Variants in OR8B2 observed in about 807,000 individuals in gnomAD.
The protein encoded by OR8B2 is olfactory receptor 8B2.
For synonymous variants in OR8B2, 98 were observed against 138.2 expected, an observed-to-expected ratio of 0.71 and a Z score of 2.04; for missense variants, 304 against 379.6, an observed-to-expected ratio of 0.80 and a Z score of 1.65.
chr11:124,386,437 G>A (rs1269352829), upstream of OR8B2, among the ~76,000 whole-genome samples: 1 of 121,236 alleles, frequency 8.2e-6, no homozygotes, highest in Non-Finnish European at 1.6e-5. Flanking sequence ...TCCCCAGAGC[G>A]TGATGTTCCC....
the OR8B2 span, chr11:124,395,510 T>G: frequency 3.9e-5 from 6 of 152,338 alleles, no homozygotes; most frequent in East Asian, 1.2e-3. Context: ...TATACATTTT[T>G]TCATGACAAA....
chr11:124,396,835 T>C, the OR8B2 span: 1 of 1,610,932 alleles, frequency 6.2e-7, no homozygotes, highest in Non-Finnish European at 8.5e-7. Flanking sequence ...TGGTTGATGA[T>C]ATTAGCACTG....
At chr11:124,384,698 CAA>C (rs1254307218), upstream of OR8B2, among the ~76,000 whole-genome samples, 6 of 152,074 alleles carry the variant, frequency 3.9e-5, no homozygotes, top group Non-Finnish European at 8.8e-5. Flanking sequence ...GATTACATAC[CAA>C]CAGTAAGTCT....
At chr11:124,391,957 T>C in the OR8B2 span, among the ~76,000 whole-genome samples, 1 of 129,438 alleles carries the variant, frequency 7.7e-6, no homozygotes, top group African/African-American at 3.2e-5. Flanking sequence ...GCTGGTTCAA[T>C]ATATGCAAAT....
the OR8B2 span, among the ~76,000 whole-genome samples, chr11:124,390,933 C>A: frequency 1.3e-5 from 2 of 152,024 alleles, no homozygotes; most frequent in Admixed American, 6.6e-5. Flanking sequence ...AGGTAGAGGT[C>A]AAGGTTTGGT....
At chr11:124,392,903 T>C in the OR8B2 span, among the ~76,000 whole-genome samples, 2 of 149,420 alleles carry the variant, frequency 1.3e-5, no homozygotes, top group African/African-American at 5.1e-5. Context: ...ATGGTACGGG[T>C]ACCAAAACAG....
the OR8B2 span, among the ~76,000 whole-genome samples, chr11:124,394,200 T>C: frequency 6.6e-6 from 1 of 151,454 alleles, no homozygotes; most frequent in Non-Finnish European, 1.5e-5. Flanking sequence ...CATGTATACA[T>C]ATGTAACTAA....
At chr11:124,395,795 T>A in the OR8B2 span, 1 of 152,258 alleles carries the variant, frequency 6.6e-6, no homozygotes, top group Non-Finnish European at 1.5e-5. Context: ...TATTCTCTGC[T>A]GTATCAAATG....
At chr11:124,396,597 A>G in the OR8B2 span, 1 of 1,612,862 alleles carries the variant, frequency 6.2e-7, no homozygotes, top group East Asian at 2.2e-5. Flanking sequence ...CGCTGACCCA[A>G]AAAACAGAGA....
chr11:124,392,450 A>G, the OR8B2 span, among the ~76,000 whole-genome samples: 3,333 of 69,754 alleles, frequency 0.048, 110 homozygotes, highest in African/African-American at 0.11. Context: ...AAAATCACAA[A>G]CATTCTTATA....
chr11:124,396,979 C>T, the OR8B2 span: 1 of 1,613,528 alleles, frequency 6.2e-7, no homozygotes, highest in Non-Finnish European at 8.5e-7. Flanking sequence ...TTACAGATGG[C>T]CACATAGCGA....
the OR8B2 span, among the ~76,000 whole-genome samples, chr11:124,389,502 G>C: frequency 6.6e-6 from 1 of 152,260 alleles, no homozygotes; most frequent in South Asian, 2.1e-4. Flanking sequence ...CATATCATGA[G>C]TGAGTGTGTC....
At chr11:124,387,172 G>T (rs1383574235), upstream of OR8B2, among the ~76,000 whole-genome samples, 2 of 152,184 alleles carry the variant, frequency 1.3e-5, no homozygotes, top group Non-Finnish European at 2.9e-5. Context: ...TTTGTCACAT[G>T]AGTAGGTTGC....
the OR8B2 span, among the ~76,000 whole-genome samples, chr11:124,391,750 T>G: frequency 6.6e-6 from 1 of 152,008 alleles, no homozygotes; most frequent in South Asian, 2.1e-4. Flanking sequence ...GAATCCTCCC[T>G]AACTCATTTT....
the OR8B2 span, among the ~76,000 whole-genome samples, chr11:124,391,843 C>A: frequency 8.6e-5 from 13 of 151,414 alleles, no homozygotes; most frequent in Admixed American, 7.2e-4. Flanking sequence ...CCTTGATGAA[C>A]ATTGATGGAA....
At chr11:124,394,310 G>T in the OR8B2 span, among the ~76,000 whole-genome samples, 3 of 151,048 alleles carry the variant, frequency 2.0e-5, no homozygotes, top group Non-Finnish European at 2.9e-5. Context: ...GCTAATATAA[G>T]TCTGCTTTGT....
At chr11:124,390,558 G>A in the OR8B2 span, among the ~76,000 whole-genome samples, 2 of 152,088 alleles carry the variant, frequency 1.3e-5, no homozygotes, top group Admixed American at 1.3e-4. Flanking sequence ...AGACCCGAAA[G>A]CTTGCTTTCG....
chr11:124,391,149 AT>A, the OR8B2 span, among the ~76,000 whole-genome samples: 2 of 152,122 alleles, frequency 1.3e-5, no homozygotes, highest in Non-Finnish European at 2.9e-5. Context: ...CCTTATGCTA[AT>A]TTTTAAAATC....
At chr11:124,385,681 A>G (rs2134193545), upstream of OR8B2, among the ~76,000 whole-genome samples, 1 of 147,306 alleles carries the variant, frequency 6.8e-6, no homozygotes, top group African/African-American at 2.5e-5. Flanking sequence ...CCCAGGCATG[A>G]GTGCAGTGGT....
Sources: allele counts gnomAD v4.1 joint callset (sites outside exome capture counted in the v4.1 genomes callset), GRCh38; gene constraint gnomAD v4.1.1; transcripts MANE v1.5; gene names NCBI Gene and HGNC (gene_info 2026-07-23, HGNC 2026-07-21).